GRID2: variants seen among roughly 807,000 people sequenced by gnomAD.
The protein encoded by GRID2 is glutamate receptor ionotropic, delta-2.
GRID2 carries 33 observed loss-of-function variants against 114.8 expected under a neutral mutation model. That is an observed-to-expected ratio of 0.29 (90% confidence interval 0.22 to 0.38). The LOEUF is 0.38. GRID2 is among the 10% of genes least tolerant of loss of function. The pLI, the probability that GRID2 is intolerant of heterozygous loss-of-function variation, is 1.00. For synonymous variants in GRID2, 505 were observed against 449.9 expected, an observed-to-expected ratio of 1.12 and a Z score of -1.55; for missense variants, 1,184 against 1,257.7, an observed-to-expected ratio of 0.94 and a Z score of 0.89.
rs867722588 is a variant in GRID2, at chr4:92,411,659, A to G, written c.88+106915A>G. 3.1e-3 allele frequency among the ~76,000 whole-genome samples: 400 copies of G among 129,328 alleles called. 9 individuals are homozygous for G. Among genetic ancestry groups the G allele is most frequent in the African/African-American group, 0.013 (381 of 30,252 alleles). 84.8% of individuals were successfully genotyped at this position (129,328 alleles called of 152,430 possible). ...TGTGTGTGTGTGTGTGTGTGTGTAT[A>G]TATATATATATATATATATGAAATA... On this transcript the variant is annotated intron_variant, in intron 1 of 15. Coordinates refer to ENST00000282020, the MANE Select transcript of GRID2 (RefSeq NM_001510.4).
rs3076580 is a variant in GRID2, at chr4:92,329,993, A to AAGAGAGAGAGAGAGAGAGAGAGAG, written c.88+25259_88+25282dup. On this transcript the variant is annotated intron_variant, in intron 1 of 15. Transcript: ENST00000282020. ...AAAAAGGAAGAGGAGTATGGGAGGA[A>AAGAGAGAGAGAGAGAGAGAGAGAG]AGAGAGAGAGAGAGAGAGAGAGAGA... is the stretch of plus-strand genomic sequence containing the variant. Among the ~76,000 whole-genome samples, 87 of 132,574 alleles carry AAGAGAGAGAGAGAGAGAGAGAGAG rather than the reference A, an allele frequency of 6.6e-4. 1 individual carries two copies. The highest frequency in any genetic ancestry group is 2.3e-3 in the African/African-American group (78 of 34,386). The allele number at this position is 132,574 out of a possible 152,430, so 87.0% of individuals were successfully genotyped here.
chr4:93,764,353 A>G (rs533789967), intron 14 of GRID2, among the ~76,000 whole-genome samples: 1 of 152,292 alleles, frequency 6.6e-6, no homozygotes, highest in Admixed American at 6.5e-5. Flanking sequence ...TTGGATGAAA[A>G]AAAGGAAATG....
At chr4:92,444,652 A>T (rs1389444666) in intron 1 of GRID2, among the ~76,000 whole-genome samples, 1 of 152,178 alleles carries the variant, frequency 6.6e-6, no homozygotes, top group African/African-American at 2.4e-5. Context: ...CAGAGGCCTG[A>T]CATTTCGTAC....
Position 92,440,526 on chromosome 4 carries a change from G to A in GRID2, c.88+135782G>A, listed in dbSNP as rs1445884769. ...CAAATCCTCGAGCTTGATGTGTAGG[G>A]AAGGGAGGGGGCCTGAATAATCCCT... is the stretch of plus-strand genomic sequence containing the variant. On this transcript the variant is annotated intron_variant, in intron 1 of 15. Transcript: ENST00000282020. Among the ~76,000 whole-genome samples, 8 of 152,012 alleles carry A rather than the reference G, an allele frequency of 5.3e-5. No individual in the cohort carries two copies. The East Asian group carries it at 1.2e-3, about 22-fold the overall frequency.
At chr4:92,791,630 A>C (rs966469424) in intron 2 of GRID2, among the ~76,000 whole-genome samples, 7 of 151,886 alleles carry the variant, frequency 4.6e-5, no homozygotes, top group African/African-American at 1.7e-4. Flanking sequence ...TGAAAATATA[A>C]TAAGGAAAGT....
At chr4:92,313,048 T>C (rs1290751769) in intron 1 of GRID2, among the ~76,000 whole-genome samples, 3 of 151,292 alleles carry the variant, frequency 2.0e-5, no homozygotes, top group African/African-American at 7.3e-5. Flanking sequence ...CTCAAATGCC[T>C]GTCAAAGAAT....
intron 2 of GRID2, among the ~76,000 whole-genome samples, chr4:92,918,666 T>C (rs1333543693): frequency 6.6e-6 from 1 of 152,190 alleles, no homozygotes; most frequent in Non-Finnish European, 1.5e-5. Context: ...CTGATTTGTG[T>C]ATATTGAACC....
At chr4:92,541,141 T>A (rs1304059984) in intron 1 of GRID2, among the ~76,000 whole-genome samples, 2 of 151,662 alleles carry the variant, frequency 1.3e-5, no homozygotes, top group African/African-American at 2.4e-5. Flanking sequence ...TGGGGCCTGT[T>A]GTAGGGTGGG....
chr4:93,547,974 C>T (rs6848769), intron 13 of GRID2, among the ~76,000 whole-genome samples: 2,480 of 152,180 alleles, frequency 0.016, 31 homozygotes, highest in Non-Finnish European at 0.028. Context: ...GTCAGGAGTT[C>T]CAGACCAGCC....
chr4:93,440,988 AAGG>A (rs1415468203), intron 10 of GRID2, among the ~76,000 whole-genome samples: 2 of 152,094 alleles, frequency 1.3e-5, no homozygotes, highest in African/African-American at 4.8e-5. Context: ...TCTTAGATTT[AAGG>A]AGAACTTATA....
intron 2 of GRID2, among the ~76,000 whole-genome samples, chr4:93,063,647 ATATTT>A (rs1375846032): frequency 2.0e-5 from 3 of 151,816 alleles, no homozygotes; most frequent in Non-Finnish European, 4.4e-5. Flanking sequence ...TTGGGACTAA[ATATTT>A]TATTTTATAT....
intron 8 of GRID2, among the ~76,000 whole-genome samples, chr4:93,240,411 T>C (rs1011590283): frequency 7.3e-5 from 11 of 151,612 alleles, no homozygotes; most frequent in Non-Finnish European, 1.5e-4. Flanking sequence ...ATATTTAGGC[T>C]CTTCAGGTGT....
intron 2 of GRID2, among the ~76,000 whole-genome samples, chr4:92,968,071 G>A (rs1040722588): frequency 2.0e-5 from 3 of 151,802 alleles, no homozygotes; most frequent in African/African-American, 7.3e-5. Context: ...ACATTTTGGA[G>A]TATAATTTAT....
rs866436891 is a variant in GRID2, at chr4:93,454,081, T to A, written c.1546-1581T>A. 7.9e-5 allele frequency among the ~76,000 whole-genome samples: 12 copies of A among 152,138 alleles called. No individual in the cohort carries two copies. In the Middle Eastern group the frequency reaches 0.01, roughly 129 times the overall value. ...TCTTGCTATAAAAATTAAATACATATATGAGTTTGAAAGCAATATTTTTCT... is the reference window on the plus strand; with the variant it reads ...TCTTGCTATAAAAATTAAATACATAAATGAGTTTGAAAGCAATATTTTTCT... On this transcript the variant is annotated intron_variant, in intron 10 of 15. Transcript: ENST00000282020.
At chr4:93,803,089 G>A (rs112396018) in intron 1 of GRID2, among the ~76,000 whole-genome samples, 1 of 152,194 alleles carries the variant, frequency 6.6e-6, no homozygotes, top group Non-Finnish European at 1.5e-5. Context: ...TGTACATGCA[G>A]TGGAATTTTG....
chr4:93,347,595 A>G (rs1760368698), intron 8 of GRID2, among the ~76,000 whole-genome samples: 1 of 152,162 alleles, frequency 6.6e-6, no homozygotes, highest in South Asian at 2.1e-4. Context: ...CACTAAGATA[A>G]TAGTAATCAT....
intron 2 of GRID2, among the ~76,000 whole-genome samples, chr4:92,922,262 G>A (rs927378727): frequency 6.6e-6 from 1 of 152,146 alleles, no homozygotes; most frequent in Non-Finnish European, 1.5e-5. Flanking sequence ...TCTTTGACTA[G>A]GAAAGGGAAT....
chr4:93,268,974 A>G (rs1028861945), intron 8 of GRID2, among the ~76,000 whole-genome samples: 3 of 152,156 alleles, frequency 2.0e-5, no homozygotes, highest in Non-Finnish European at 4.4e-5. Flanking sequence ...AAGTTTTATG[A>G]CTGGACATCA....
At chr4:93,084,382 T>A (rs187470127) in intron 2 of GRID2, among the ~76,000 whole-genome samples, 5 of 152,324 alleles carry the variant, frequency 3.3e-5, no homozygotes, top group Admixed American at 3.3e-4. Flanking sequence ...ATTATTTGAT[T>A]TGACCATAAG....
Sources: gnomAD v4.1 joint callset for allele counts (sites outside exome capture counted in the v4.1 genomes callset) on GRCh38, gnomAD v4.1.1 for gene constraint, MANE v1.5 for transcripts, NCBI Gene and HGNC (gene_info 2026-07-23, HGNC 2026-07-21) for gene names.